Variants in PHF13 observed in about 807,000 individuals in gnomAD.
The protein encoded by PHF13 is PHD zinc finger protein PHF5.
A neutral mutation model predicts 25.8 loss-of-function variants in PHF13; 1 was observed. The observed-to-expected ratio is 0.04, with a 90% CI of 0.01 to 0.18. The LOEUF is 0.18. Ranked by LOEUF, PHF13 falls within the 10% of genes least tolerant of loss-of-function variation. The pLI is 1.00. For missense variants in PHF13, 306 were observed against 403.2 expected (o/e 0.76, Z 2.06); for synonymous variants, 195 against 162.4 (o/e 1.20, Z -1.53).
Position 6,621,979 on chromosome 1 carries a change from G to A in PHF13, c.*342G>A. 1 of 383,308 alleles carries A rather than the reference G, an allele frequency of 2.6e-6. No individual in the cohort carries two copies. Among genetic ancestry groups the A allele is most frequent in the Non-Finnish European group, 5.0e-6 (1 of 200,748 alleles). The allele number at this position is 383,308 out of a possible 1,614,324, so 23.7% of individuals were successfully genotyped here. The stretch of plus-strand genomic sequence containing the variant: ...GAGATTCCCGCTGATTGGGCTCAGT[G>A]CCAGCTGTTATTCTGCTTCCACTGT... On this transcript the variant is annotated 3_prime_UTR_variant, in exon 4 of 4. Coordinates refer to ENST00000377648, the MANE Select transcript of PHF13 (RefSeq NM_153812.3). This position sits in a 1 kb window ranked among gnomAD's most constrained non-coding sequence, Gnocchi z 4.8.
chr1:6,623,964 GTAAA>G lies in PHF13; in HGVS notation c.*2334_*2337del, dbSNP rs1641390849. 1 of 152,606 alleles carries G rather than the reference GTAAA, an allele frequency of 6.6e-6. No individual in the cohort carries two copies. Among genetic ancestry groups the G allele is most frequent in the Admixed American group, 6.5e-5 (1 of 15,284 alleles). 9.5% of individuals were successfully genotyped at this position (152,606 alleles called of 1,614,324 possible). On this transcript the variant is annotated 3_prime_UTR_variant, in exon 4 of 4. Transcript: ENST00000377648. Reference sequence around the variant, plus strand: ...CTGTTTCTGTGAAACTGTATATTTTGTAAATAAATATATTGCTACTTTGAGGTTC... The same window carrying G: ...CTGTTTCTGTGAAACTGTATATTTTGTAAATATATTGCTACTTTGAGGTTC...
chr1:6,614,307 C>G, intron 1 of PHF13: 1 of 536,746 alleles, frequency 1.9e-6, no homozygotes, highest in Non-Finnish European at 3.2e-6. Flanking sequence ...CCTCCGCGTC[C>G]CCTCCGCGGA....
Position 6,613,979 on chromosome 1 carries a change from A to T in PHF13, c.-88A>T, listed in dbSNP as rs1570219799. ...TCCCGGGTCCGCCCTCGCCCTGCGC[A>T]GCCGCCCGAGCCCCCAGCCCCGGGC... On this transcript the variant is annotated 5_prime_UTR_variant, in exon 1 of 4. Coordinates refer to ENST00000377648, the MANE Select transcript of PHF13 (RefSeq NM_153812.3). 2.2e-6 allele frequency: 2 copies of T among 925,282 alleles called. No homozygotes were observed. Among genetic ancestry groups the T allele is most frequent in the East Asian group, 6.1e-5 (2 of 32,828 alleles). 57.3% of individuals were successfully genotyped at this position (925,282 alleles called of 1,614,324 possible). A position where few individuals can be genotyped will look rare whatever the true frequency, so the allele number is the denominator to read the frequency against.
At position 6,614,308 on chromosome 1, in the gene PHF13, C is replaced by T. The variant is rs563079766; in HGVS notation, c.39+203C>T. On this transcript the variant is annotated intron_variant, in intron 1 of 3. Transcript: ENST00000377648. ...TCCGCCGGGCCTCGCCTCCGCGTCC[C>T]CTCCGCGGACCTCCGCGTCCTCCCC... 1,078 of 535,138 alleles carry T rather than the reference C, an allele frequency of 2.0e-3. 1 individual carries two copies. The highest frequency in any genetic ancestry group is 6.0e-3 in the African/African-American group (287 of 48,102). The allele number at this position is 535,138 out of a possible 1,614,324, so 33.1% of individuals were successfully genotyped here.
Position 6,620,131 on chromosome 1 carries a change from T to G in PHF13, c.470T>G (p.Leu157Trp). ...PYVETPTSPT[L>W]QDIPQAPSDP... ...GTGGAGACCCCCACGAGTCCCACCT[T>G]GCAGGATATCCCCCAGGCTCCCAGC... The change falls in exon 3 of 4, where the codon TTG (leucine) becomes TGG (tryptophan). Residue 157 changes from leucine (L) to tryptophan (W), a missense_variant. Physicochemically the swap from Leu to Trp is moderately conservative, Grantham distance 61. Transcript: ENST00000377648. 2 of 1,613,648 alleles carry G rather than the reference T, an allele frequency of 1.2e-6. No homozygotes were observed. The highest frequency in any genetic ancestry group is 8.5e-7 in the Non-Finnish European group (1 of 1,180,004).
In PHF13 at chr1:6,621,683, G is replaced by A. The variant is rs771661684; in HGVS notation, c.*46G>A. 5.0e-6 allele frequency: 8 copies of A among 1,592,898 alleles called. No homozygotes were observed. The highest frequency in any genetic ancestry group is 1.7e-4 in the Middle Eastern group (1 of 5,950). The stretch of plus-strand genomic sequence containing the variant: ...TGCGAGCGTGGAATCGGAAGCGACC[G>A]CGGGCTTTTTTGCCCTTCTCTTAGT... On this transcript the variant is annotated 3_prime_UTR_variant, in exon 4 of 4. Coordinates refer to ENST00000377648, the MANE Select transcript of PHF13 (RefSeq NM_153812.3). This position sits in a 1 kb window ranked among gnomAD's most constrained non-coding sequence, Gnocchi z 4.8.
rs142057265 is a variant in PHF13 at position 6,616,789 on chromosome 1, C to G, written c.72C>G (p.Thr24=). ...EYSPSCKRRR[T]VEDFNKFCTF... is the part of the protein sequence containing the mutation. ...CCCCCAGTTGCAAGAGGCGCAGGAC[C>G]GTGGAAGACTTCAACAAATTCTGCA... Residue 24 remains threonine (T), a synonymous_variant, in exon 2 of 4, where the codon ACC becomes ACG. Coordinates refer to ENST00000377648, the MANE Select transcript of PHF13 (RefSeq NM_153812.3). 3.1e-6 allele frequency: 5 copies of G among 1,614,152 alleles called. No individual in the cohort carries two copies. The Admixed American group carries it at 5.0e-5, about 16-fold the overall frequency.
In PHF13 at chr1:6,621,671, T is replaced by C; in HGVS notation, c.*34T>C. The C allele has an allele frequency of 6.2e-7, 1 of 1,606,514 alleles. No homozygotes were observed. The highest frequency in any genetic ancestry group is 1.1e-5 in the South Asian group (1 of 90,904). On this transcript the variant is annotated 3_prime_UTR_variant, in exon 4 of 4. Transcript: ENST00000377648. The surrounding 1 kb of genome is among the most constrained non-coding windows in gnomAD (Gnocchi z 4.8). Reference sequence around the variant, plus strand: ...TGGCGAGGAGGCTGCGAGCGTGGAATCGGAAGCGACCGCGGGCTTTTTTGC... The same window carrying C: ...TGGCGAGGAGGCTGCGAGCGTGGAACCGGAAGCGACCGCGGGCTTTTTTGC...
chr1:6,615,229 C>T (rs1262813322), intron 1 of PHF13, among the ~76,000 whole-genome samples: 1 of 152,082 alleles, frequency 6.6e-6, no homozygotes, highest in Admixed American at 6.5e-5. Flanking sequence ...CGTCGCCGCC[C>T]TCCACTTGGC....
At chr1:6,615,773 T>G (rs1331883917) in intron 1 of PHF13, among the ~76,000 whole-genome samples, 1 of 152,136 alleles carries the variant, frequency 6.6e-6, no homozygotes, top group Non-Finnish European at 1.5e-5. Flanking sequence ...TGTTTCTAGA[T>G]GGAATGGGGC....
chr1:6,623,590 C>T lies in PHF13; in HGVS notation c.*1953C>T, dbSNP rs565601012. ...TGGAACTGCCGGCCCTGGCAACTGT[C>T]ACGTGTGCTAGAAGGTTCGATGCCT... On this transcript the variant is annotated 3_prime_UTR_variant, in exon 4 of 4. Transcript: ENST00000377648. 1.3e-5 allele frequency: 2 copies of T among 152,770 alleles called. No homozygotes were observed. The highest frequency in any genetic ancestry group is 4.8e-5 in the African/African-American group (2 of 41,572). 9.5% of individuals were successfully genotyped at this position (152,770 alleles called of 1,614,324 possible).
intron 2 of PHF13, among the ~76,000 whole-genome samples, chr1:6,618,503 T>C (rs1205527367): frequency 1.3e-5 from 2 of 152,242 alleles, no homozygotes; most frequent in Admixed American, 6.5e-5. Context: ...GTGATGCTCC[T>C]GCCTTGGTCT....
At chr1:6,616,675 T>C (rs953021147) in intron 1 of PHF13, 82 bp from the exon 2 acceptor site, 1 of 1,185,584 alleles carries the variant, frequency 8.4e-7, no homozygotes, top group South Asian at 1.2e-5. Context: ...CTACAAAAGT[T>C]CCAGCTTACT....
In PHF13 at chr1:6,614,102, G is replaced by C. The variant is rs1043504351; in HGVS notation, c.36G>C (p.Pro12=). 2.5e-6 allele frequency: 4 copies of C among 1,585,734 alleles called. No individual in the cohort carries two copies. Among genetic ancestry groups the C allele is most frequent in the Non-Finnish European group, 3.4e-6 (4 of 1,167,982 alleles). Residue 12 remains proline (P), a synonymous_variant, in exon 1 of 4, where the codon CCG becomes CCC. Transcript: ENST00000377648. The part of the protein sequence containing the change: ...DSDSCAAAFH[P]EEYSPSCKRR... ...ACTCTTGCGCCGCCGCCTTCCACCC[G>C]GAGGTGAGTGAAGCTGTGCGTCCGA...
At chr1:6,618,633 CTTTCT>C (rs2148710089) in intron 2 of PHF13, among the ~76,000 whole-genome samples, 1 of 152,038 alleles carries the variant, frequency 6.6e-6, no homozygotes, top group East Asian at 1.9e-4. Flanking sequence ...CTAATGCCTG[CTTTCT>C]TTTCTTTCTT....
intron 1 of PHF13, among the ~76,000 whole-genome samples, chr1:6,615,164 G>T (rs1318745129): frequency 1.3e-5 from 2 of 151,700 alleles, no homozygotes; most frequent in African/African-American, 2.4e-5. Context: ...TGTGGGGGCG[G>T]CGTGGAACCC....
intron 3 of PHF13, among the ~76,000 whole-genome samples, chr1:6,620,964 G>A (rs1205972267): frequency 1.3e-5 from 2 of 151,806 alleles, no homozygotes; most frequent in Non-Finnish European, 2.9e-5. Context: ...CCCAGGAGGT[G>A]GAGGTTGCAG....
Position 6,621,059 on chromosome 1 carries a change from G to A in PHF13, c.677-352G>A, listed in dbSNP as rs1392458706. Among the ~76,000 whole-genome samples, 2 of 151,186 alleles carry A rather than the reference G, an allele frequency of 1.3e-5. No homozygotes were observed. Among genetic ancestry groups the A allele is most frequent in the Non-Finnish European group, 2.9e-5 (2 of 67,806 alleles). The stretch of plus-strand genomic sequence containing the variant: ...AAAAAAAAAAAAACAATAGTCGAGT[G>A]TGGTGGTGTGTGCCTGTAGTCCCAG... On this transcript the variant is annotated intron_variant, in intron 3 of 3. Coordinates refer to ENST00000377648, the MANE Select transcript of PHF13 (RefSeq NM_153812.3). The surrounding 1 kb of genome is among the most constrained non-coding windows in gnomAD (Gnocchi z 4.8).
intron 1 of PHF13, among the ~76,000 whole-genome samples, chr1:6,615,131 G>C (rs1183582218): frequency 6.6e-6 from 1 of 151,374 alleles, no homozygotes; most frequent in African/African-American, 2.4e-5. Context: ...GGAGGCGGCC[G>C]GGGGGGCGGG....
Sources: allele counts gnomAD v4.1 joint callset (sites outside exome capture counted in the v4.1 genomes callset), GRCh38; gene constraint gnomAD v4.1.1; non-coding constraint Gnocchi (gnomAD v3.1); transcripts MANE v1.5; gene names NCBI Gene and HGNC (gene_info 2026-07-23, HGNC 2026-07-21).